Variants in MMP16 observed in about 807,000 individuals in gnomAD.
The protein encoded by MMP16 is matrix metallopeptidase 16.
MMP16 carries 12 observed loss-of-function variants against 67.8 expected under a neutral mutation model. The observed-to-expected ratio is 0.18, with a 90% CI of 0.11 to 0.29. The LOEUF is 0.29. MMP16 is among the 10% of genes least tolerant of loss of function. MMP16 has a pLI of 1.00. For synonymous variants in MMP16, 249 were observed against 255.9 expected (o/e 0.97, Z 0.26); for missense variants, 475 against 765.7 (o/e 0.62, Z 4.48).
intron 1 of MMP16, among the ~76,000 whole-genome samples, chr8:88,321,076 T>C (rs1811452938): frequency 6.6e-6 from 1 of 152,206 alleles, no homozygotes; most frequent in African/African-American, 2.4e-5. Context: ...CTTAGCATTC[T>C]GTCCTTTTAG....
At chr8:88,298,738 A>G (rs1811052781) in intron 1 of MMP16, among the ~76,000 whole-genome samples, 1 of 152,176 alleles carries the variant, frequency 6.6e-6, no homozygotes, top group South Asian at 2.1e-4. Context: ...AAGCATGAAT[A>G]TATCTTTTCA....
At chr8:88,085,811 G>A (rs1376579283) in intron 6 of MMP16, among the ~76,000 whole-genome samples, 1 of 151,944 alleles carries the variant, frequency 6.6e-6, no homozygotes, top group African/African-American at 2.4e-5. Flanking sequence ...AAGTTTATGT[G>A]TTAACATTTA....
chr8:88,201,267 GGCTGTGTTAGGATTTTATTTAA>G (rs1420444298), intron 1 of MMP16, among the ~76,000 whole-genome samples: 1 of 151,900 alleles, frequency 6.6e-6, no homozygotes, highest in Non-Finnish European at 1.5e-5. Flanking sequence ...ATATAAGGAA[GGCTGTGTTAGGATTTTATTTAA>G]TCTGAAAAAT....
chr8:88,282,707 T>C (rs957824763), intron 1 of MMP16, among the ~76,000 whole-genome samples: 1 of 152,216 alleles, frequency 6.6e-6, no homozygotes, highest in African/African-American at 2.4e-5. Flanking sequence ...AGCTATATTA[T>C]TATTTTCAAT....
intron 7 of MMP16, among the ~76,000 whole-genome samples, chr8:88,057,642 T>A (rs1299232922): frequency 6.6e-6 from 1 of 152,146 alleles, no homozygotes; most frequent in Admixed American, 6.6e-5. Context: ...CAAAAAATTT[T>A]AAAAACGTGC....
chr8:88,195,778 T>C (rs1809240434), intron 2 of MMP16, among the ~76,000 whole-genome samples: 1 of 152,138 alleles, frequency 6.6e-6, no homozygotes, highest in Non-Finnish European at 1.5e-5. Context: ...TTTTCCAAGA[T>C]GTAGATCAAA....
chr8:88,221,671 T>C (rs1430399343), intron 1 of MMP16, among the ~76,000 whole-genome samples: 2 of 152,002 alleles, frequency 1.3e-5, no homozygotes, highest in Non-Finnish European at 2.9e-5. Context: ...CAGGATGAAT[T>C]AACACAACTT....
chr8:88,212,252 A>G (rs1020546279), intron 1 of MMP16, among the ~76,000 whole-genome samples: 6 of 152,180 alleles, frequency 3.9e-5, no homozygotes, highest in Non-Finnish European at 8.8e-5. Context: ...CAGGGCCTGA[A>G]TAAGATGCCT....
At chr8:88,309,911 T>C (rs1394983024) in intron 1 of MMP16, among the ~76,000 whole-genome samples, 1 of 152,250 alleles carries the variant, frequency 6.6e-6, no homozygotes, top group South Asian at 2.1e-4. Context: ...CAAATTATTA[T>C]GTGATTATTC....
chr8:88,148,839 C>T (rs569940533), intron 4 of MMP16, among the ~76,000 whole-genome samples: 1 of 152,082 alleles, frequency 6.6e-6, no homozygotes, highest in East Asian at 1.9e-4. Context: ...ATCAGAAATA[C>T]GTGTATTATG....
At chr8:88,076,008 TATG>T (rs1238958787) in intron 6 of MMP16, among the ~76,000 whole-genome samples, 1 of 150,976 alleles carries the variant, frequency 6.6e-6, no homozygotes, top group Non-Finnish European at 1.5e-5. Context: ...CTTCAGTTAA[TATG>T]ATAACAATGA....
intron 1 of MMP16, among the ~76,000 whole-genome samples, chr8:88,323,397 T>C (rs980953964): frequency 2.0e-5 from 3 of 152,124 alleles, no homozygotes; most frequent in Admixed American, 6.6e-5. Flanking sequence ...AGTAAATATA[T>C]TGCAAGAAAA....
intron 1 of MMP16, among the ~76,000 whole-genome samples, chr8:88,318,216 T>C (rs1204474947): frequency 6.6e-6 from 1 of 152,170 alleles, no homozygotes; most frequent in African/African-American, 2.4e-5. Flanking sequence ...ACTTTGAAAA[T>C]CAGATTTAAT....
chr8:88,093,294 T>C (rs1808970297), intron 6 of MMP16, among the ~76,000 whole-genome samples: 1 of 151,918 alleles, frequency 6.6e-6, no homozygotes, highest in African/African-American at 2.4e-5. Flanking sequence ...ATGTGGCTTA[T>C]AATGCAGAAT....
At chr8:88,133,953 T>C (rs1251432496) in intron 4 of MMP16, among the ~76,000 whole-genome samples, 3 of 151,744 alleles carry the variant, frequency 2.0e-5, no homozygotes, top group Non-Finnish European at 4.4e-5. Flanking sequence ...AGTATCAGTA[T>C]ACACAGCATT....
At chr8:88,080,724 C>T (rs1405453639) in intron 6 of MMP16, among the ~76,000 whole-genome samples, 1 of 152,142 alleles carries the variant, frequency 6.6e-6, no homozygotes. Flanking sequence ...GCGTGAGCCA[C>T]CGCGCCTGGC....
chr8:88,126,160 T>C (rs561534159), intron 4 of MMP16, among the ~76,000 whole-genome samples: 92 of 152,036 alleles, frequency 6.1e-4, no homozygotes, highest in African/African-American at 2.1e-3. Flanking sequence ...TGCAGAATTA[T>C]TGAGCTATTG....
chr8:88,075,199 T>C (rs1808627497), intron 6 of MMP16, among the ~76,000 whole-genome samples: 1 of 152,178 alleles, frequency 6.6e-6, no homozygotes, highest in Admixed American at 6.5e-5. Flanking sequence ...ATGCCTATTG[T>C]CTCATATAGT....
At chr8:88,164,009 A>G (rs1808672702) in intron 4 of MMP16, among the ~76,000 whole-genome samples, 1 of 152,072 alleles carries the variant, frequency 6.6e-6, no homozygotes, top group African/African-American at 2.4e-5. Flanking sequence ...TTTAGCTAGA[A>G]TTTTCAAAAG....
Sources: gnomAD v4.1 joint callset for allele counts (sites outside exome capture counted in the v4.1 genomes callset) on GRCh38, gnomAD v4.1.1 for gene constraint, MANE v1.5 for transcripts, NCBI Gene and HGNC (gene_info 2026-07-23, HGNC 2026-07-21) for gene names.